RAD51B: variants seen among roughly 807,000 people sequenced by gnomAD.
RAD51B encodes RAD51 paralog B.
RAD51B carries 38 observed loss-of-function variants against 42.2 expected under a neutral mutation model. That is an observed-to-expected ratio of 0.90 (90% CI 0.70 to 1.18). RAD51B has a LOEUF of 1.18. Among genes scored for constraint, RAD51B ranks in the 50% most tolerant of loss-of-function variants. RAD51B has a pLI of 0.00. For synonymous variants in RAD51B, 154 were observed against 145.2 expected (o/e 1.06, Z -0.43); for missense variants, 373 against 400.7 (o/e 0.93, Z 0.59).
intron 7 of RAD51B, among the ~76,000 whole-genome samples, chr14:68,154,182 A>T (rs2140788748): frequency 6.6e-6 from 1 of 152,314 alleles, no homozygotes; most frequent in East Asian, 1.9e-4. Flanking sequence ...TGGGTGCAAG[A>T]TATTTGTATT....
chr14:68,460,176 G>C (rs1409935288), intron 9 of RAD51B, among the ~76,000 whole-genome samples: 8 of 151,990 alleles, frequency 5.3e-5, no homozygotes, highest in Non-Finnish European at 7.4e-5. Flanking sequence ...TCCAGGCCGG[G>C]CACAGTGGCT....
chr14:67,905,253 T>G lies in RAD51B; in HGVS notation c.756+18049T>G, dbSNP rs535253519. ...GTAGGTATGTGGCTTTATTTCTGGGTTTTCTAACCTGTTCTGTTGTTCTGT... is the reference window on the plus strand; with the variant it reads ...GTAGGTATGTGGCTTTATTTCTGGGGTTTCTAACCTGTTCTGTTGTTCTGT... On this transcript the variant is annotated intron_variant, in intron 7 of 10. Transcript: ENST00000471583. 3.1e-4 allele frequency among the ~76,000 whole-genome samples: 47 copies of G among 152,158 alleles called. No individual in the cohort carries two copies. The East Asian group carries it at 8.3e-3, about 27-fold the overall frequency.
At chr14:68,594,725 C>A in exon 11 of RAD51B, 1 of 1,262,526 alleles carries the variant, frequency 7.9e-7, no homozygotes, top group Non-Finnish European at 1.0e-6. Context: ...CTTTGCCATT[C>A]CAATGAGAAT....
At chr14:67,904,664 C>T (rs1378454625) in intron 7 of RAD51B, among the ~76,000 whole-genome samples, 2 of 151,766 alleles carry the variant, frequency 1.3e-5, no homozygotes, top group Admixed American at 6.6e-5. Flanking sequence ...CCACCACACC[C>T]AGCTAATTTT....
intron 8 of RAD51B, among the ~76,000 whole-genome samples, chr14:68,335,425 A>C (rs2139817163): frequency 1.3e-5 from 2 of 152,318 alleles, no homozygotes; most frequent in Admixed American, 1.3e-4. Flanking sequence ...TGATTAGTAC[A>C]ATCAGCATAC....
intron 8 of RAD51B, chr14:68,338,803 C>T: frequency 1.7e-6 from 1 of 575,250 alleles, no homozygotes; most frequent in Non-Finnish European, 3.3e-6. Context: ...GACTTGAGAC[C>T]CAGGACATTG....
At chr14:68,387,565 CT>C (rs898292784) in intron 8 of RAD51B, among the ~76,000 whole-genome samples, 1 of 152,216 alleles carries the variant, frequency 6.6e-6, no homozygotes, top group African/African-American at 2.4e-5. Context: ...TTCTGTACGT[CT>C]GTCTCTTTTT....
chr14:68,096,757 G>A (rs2077202887), intron 7 of RAD51B, among the ~76,000 whole-genome samples: 1 of 152,198 alleles, frequency 6.6e-6, no homozygotes, highest in Non-Finnish European at 1.5e-5. Flanking sequence ...AGGAAGGCTA[G>A]AGCCAAATTT....
At chr14:68,146,230 G>A (rs930500796) in intron 7 of RAD51B, among the ~76,000 whole-genome samples, 1 of 152,154 alleles carries the variant, frequency 6.6e-6, no homozygotes, top group Non-Finnish European at 1.5e-5. Flanking sequence ...TGGGCGGAAT[G>A]CCTGAGCTCA....
At chr14:68,614,277 GA>G (rs765881802), downstream of RAD51B, among the ~76,000 whole-genome samples, 9 of 152,288 alleles carry the variant, frequency 5.9e-5, no homozygotes, top group Admixed American at 3.3e-4. Flanking sequence ...ATATTGCTGA[GA>G]AGAGTCTCTC....
At chr14:67,994,617 G>C (rs968317202) in intron 7 of RAD51B, among the ~76,000 whole-genome samples, 1 of 152,046 alleles carries the variant, frequency 6.6e-6, no homozygotes, top group Admixed American at 6.6e-5. Context: ...GGCAGGGAGG[G>C]GTCACCACTG....
At chr14:67,941,562 C>T (rs530026300) in intron 7 of RAD51B, among the ~76,000 whole-genome samples, 1 of 152,318 alleles carries the variant, frequency 6.6e-6, no homozygotes, top group East Asian at 1.9e-4. Context: ...GTCCCTATTT[C>T]TCTCTTAAAC....
In RAD51B at chr14:68,409,821, C is replaced by T. The variant is rs544741328; in HGVS notation, c.854-1603C>T. On this transcript the variant is annotated intron_variant, in intron 8 of 10. Coordinates refer to ENST00000471583, the MANE Select transcript of RAD51B (RefSeq NM_133510.4). ...AAGTAGGGGAATGATGTGATCAGAT[C>T]GGAACAATCTAGATTATTTGTTTTC... Among the ~76,000 whole-genome samples the T allele has an allele frequency of 1.4e-4, 21 of 152,312 alleles. No individual in the cohort carries two copies. In the South Asian group the frequency reaches 2.9e-3, roughly 21 times the overall value.
intron 10 of RAD51B, among the ~76,000 whole-genome samples, chr14:68,603,885 C>A (rs994212106): frequency 6.6e-6 from 1 of 152,236 alleles, no homozygotes; most frequent in Non-Finnish European, 1.5e-5. Flanking sequence ...CAACACCCAG[C>A]CACAGTGGAA....
Position 67,946,432 on chromosome 14 carries a change from A to T in RAD51B, c.756+59228A>T, listed in dbSNP as rs557105382. Among the ~76,000 whole-genome samples, 123 of 152,048 alleles carry T rather than the reference A, an allele frequency of 8.1e-4. 1 individual carries two copies. The highest frequency in any genetic ancestry group is 2.9e-3 in the African/African-American group (121 of 41,444). On this transcript the variant is annotated intron_variant, in intron 7 of 10. Transcript: ENST00000471583. ...TACCTAGGCTGGAGTGCAGTGGTGC[A>T]ATCTCGGCTCACTGCAACCTCCGCC...
At chr14:68,393,789 T>G (rs556625644) in intron 8 of RAD51B, among the ~76,000 whole-genome samples, 97 of 152,198 alleles carry the variant, frequency 6.4e-4, no homozygotes, top group Non-Finnish European at 1.2e-3. Context: ...CCCTTTTAAC[T>G]TCCTTTACTC....
intron 7 of RAD51B, among the ~76,000 whole-genome samples, chr14:68,275,582 AT>A (rs2139602729): frequency 6.6e-6 from 1 of 152,240 alleles, no homozygotes; most frequent in African/African-American, 2.4e-5. Flanking sequence ...CAGGATACGC[AT>A]GGATGACACA....
At chr14:67,960,925 C>T (rs893574704) in intron 7 of RAD51B, among the ~76,000 whole-genome samples, 5 of 151,830 alleles carry the variant, frequency 3.3e-5, no homozygotes, top group African/African-American at 7.3e-5. Context: ...CTTCTTGGTT[C>T]CCCCAAAATG....
chr14:68,428,339 T>C (rs2084904123), intron 9 of RAD51B, among the ~76,000 whole-genome samples: 1 of 152,270 alleles, frequency 6.6e-6, no homozygotes, highest in South Asian at 2.1e-4. Flanking sequence ...TTTTTTTGCA[T>C]TTTAAATTTT....
Sources: gnomAD v4.1 joint callset for allele counts (sites outside exome capture counted in the v4.1 genomes callset) on GRCh38, gnomAD v4.1.1 for gene constraint, MANE v1.5 for transcripts, NCBI Gene and HGNC (gene_info 2026-07-23, HGNC 2026-07-21) for gene names.